The following SHH variants were observed in gnomAD, a reference collection of about 807,000 sequenced individuals.
The protein encoded by SHH is sonic hedgehog signaling molecule.
A neutral mutation model predicts 16.6 loss-of-function variants in SHH; 3 were observed. That is an observed-to-expected ratio of 0.18 (90% CI 0.08 to 0.47). The LOEUF is 0.47. SHH is among the 20% of genes least tolerant of loss of function. The pLI, the probability that SHH is intolerant of heterozygous loss-of-function variation, is 0.98. For missense variants in SHH, 499 were observed against 665.0 expected, an observed-to-expected ratio of 0.75 and a Z score of 2.75; for synonymous variants, 351 against 316.2, an observed-to-expected ratio of 1.11 and a Z score of -1.17.
rs1803398909 is a variant in SHH, at chr7:155,807,536, A to G, written c.301-979T>C. 6.6e-6 allele frequency among the ~76,000 whole-genome samples: 1 copy of G among 152,056 alleles called. No homozygotes were observed. The highest frequency in any genetic ancestry group is 2.4e-5 in the African/African-American group (1 of 41,368). Reference sequence around the variant, plus strand: ...GTTTCCCAGGAAGTTGCCTGGGAGGAGGCAGGAAACACTGACTAGGCAGAT... The same window carrying G: ...GTTTCCCAGGAAGTTGCCTGGGAGGGGGCAGGAAACACTGACTAGGCAGAT... On this transcript the variant is annotated intron_variant, in intron 1 of 2. Transcript: ENST00000297261. This position sits in a 1 kb window ranked among gnomAD's most constrained non-coding sequence, Gnocchi z 7.1.
chr7:155,805,092 C>T (rs1300139750), intron 2 of SHH, among the ~76,000 whole-genome samples: 1 of 151,946 alleles, frequency 6.6e-6, no homozygotes. Flanking sequence ...CGCGGCTCCG[C>T]TCTCCCGGCG....
chr7:155,811,731 C>G (rs1309162610), intron 1 of SHH, 92 bp downstream of exon 1: 4 of 1,301,378 alleles, frequency 3.1e-6, no homozygotes, highest in Admixed American at 1.7e-5. Flanking sequence ...CCTATCTGCC[C>G]GAAGAGCAAA....
Position 155,800,358 on chromosome 7 carries a change from A to G in SHH, c.*2542T>C. On this transcript the variant is annotated 3_prime_UTR_variant, in exon 3 of 3. Coordinates refer to ENST00000297261, the MANE Select transcript of SHH (RefSeq NM_000193.4). ...GGACACTCTGCCACCGGGCCTGTCC[A>G]GGAGGGAGTGCCACCCAGGAGTGAG... 5.0e-6 allele frequency: 2 copies of G among 403,046 alleles called. No individual in the cohort carries two copies. The highest frequency in any genetic ancestry group is 1.9e-5 in the South Asian group (1 of 53,902). 25.0% of individuals were successfully genotyped at this position (403,046 alleles called of 1,614,324 possible).
intron 2 of SHH, among the ~76,000 whole-genome samples, chr7:155,804,774 C>T (rs1207696506): frequency 6.6e-6 from 1 of 151,018 alleles, no homozygotes; most frequent in Admixed American, 6.6e-5. Context: ...TGGGGCGGAG[C>T]GCAGGGGGCC....
chr7:155,811,852 T>C lies in SHH; in HGVS notation c.271A>G (p.Asn91Asp), dbSNP rs750835058. 2.5e-6 allele frequency: 4 copies of C among 1,614,060 alleles called. No individual in the cohort carries two copies. In the Admixed American group the frequency reaches 6.7e-5, roughly 27 times the overall value. ...GTCATCAGCCTGTCCGCTCCGGTGT[T>C]TTCTTCATCCTTAAATATGATGTCG... ...NPDIIFKDEE[N>D]TGADRLMTQR... The change falls in exon 1 of 3, where the codon AAC (asparagine) becomes GAC (aspartate). Residue 91 changes from asparagine (N) to aspartate (D), a missense_variant. Transcript: ENST00000297261.
rs1803239333 is a variant in SHH at position 155,803,113 on chromosome 7, G to A, written c.1176C>T (p.Pro392=). Residue 392 remains proline, a synonymous_variant, in exon 3 of 3, where the codon CCC becomes CCT. Transcript: ENST00000297261. Reference sequence around the variant, plus strand: ...TGTCCCCGCCGCGGTCCGTGCGCGCGGGCGCCAGTGCAGCCAGGAGCGCGT... The same window carrying A: ...TGTCCCCGCCGCGGTCCGTGCGCGCAGGCGCCAGTGCAGCCAGGAGCGCGT... The part of the protein sequence containing the change: ...LAHALLAALA[P]ARTDRGGDSG... 7.4e-7 allele frequency: 1 copy of A among 1,349,162 alleles called. No homozygotes were observed. Among genetic ancestry groups the A allele is most frequent in the South Asian group, 2.1e-5 (1 of 48,238 alleles). 83.6% of individuals were successfully genotyped at this position (1,349,162 alleles called of 1,614,324 possible).
rs1803537269 is a variant in SHH, at chr7:155,812,136, C to G, written c.-14G>C. ...CAGCAGCAGCATCTCGCCCATGGAA[C>G]TGATGACTTCCGAGCTGTCCCCGTG... On this transcript the variant is annotated 5_prime_UTR_variant, in exon 1 of 3. Coordinates refer to ENST00000297261, the MANE Select transcript of SHH (RefSeq NM_000193.4). The G allele has an allele frequency of 6.2e-7, 1 of 1,613,668 alleles. No individual in the cohort carries two copies.
At position 155,802,776 on chromosome 7, in the gene SHH, A is replaced by ATTATTCTTACTC; in HGVS notation, c.*123_*124insGAGTAAGAATAA. The ATTATTCTTACTC allele has an allele frequency of 3.7e-6, 2 of 545,686 alleles. No homozygotes were observed. Among genetic ancestry groups the ATTATTCTTACTC allele is most frequent in the African/African-American group, 4.0e-5 (2 of 50,598 alleles). 33.8% of individuals were successfully genotyped at this position (545,686 alleles called of 1,614,324 possible). A position where few individuals can be genotyped will look rare whatever the true frequency, so the allele number is the denominator to read the frequency against. On this transcript the variant is annotated 3_prime_UTR_variant, in exon 3 of 3. Transcript: ENST00000297261. ...AGTCTACTTTGGACTGTCCTACTTT[A>ATTATTCTTACTC]TTATTCTTATTCTTATTATAACTCA...
chr7:155,803,086 G>A lies in SHH; in HGVS notation c.1203C>T (p.Ser401=). 3 of 1,352,576 alleles carry A rather than the reference G, an allele frequency of 2.2e-6. No homozygotes were observed. Among genetic ancestry groups the A allele is most frequent in the Non-Finnish European group, 1.9e-6 (2 of 1,052,830 alleles). 83.8% of individuals were successfully genotyped at this position (1,352,576 alleles called of 1,614,324 possible). A position where few individuals can be genotyped will look rare whatever the true frequency, so the allele number is the denominator to read the frequency against. Residue 401 remains serine (S), a synonymous_variant, in exon 3 of 3, where the codon AGC becomes AGT. Transcript: ENST00000297261. ...CGCCGCCCCCGCGGTCCCCGCCGCC[G>A]CTGTCCCCGCCGCGGTCCGTGCGCG... The part of the protein sequence containing the change: ...APARTDRGGD[S]GGGDRGGGGG...
In SHH at chr7:155,803,664, G is replaced by C. The variant is rs587778803; in HGVS notation, c.625C>G (p.Gln209Glu). 1 of 1,597,690 alleles carries C rather than the reference G, an allele frequency of 6.3e-7. No homozygotes were observed. Among genetic ancestry groups the C allele is most frequent in the East Asian group, 2.2e-5 (1 of 44,836 alleles). ...FPGSATVHLE[Q>E]GGTKLVKDLS... ...TCCTTCACCAGCTTGGTGCCGCCCTGCTCCAGGTGCACCGTGGCCGAGCCC... is the reference window on the plus strand; with the variant it reads ...TCCTTCACCAGCTTGGTGCCGCCCTCCTCCAGGTGCACCGTGGCCGAGCCC... Residue 209 changes from glutamine (Q) to glutamate (E), a missense_variant, in exon 3 of 3, where the codon CAG (glutamine) becomes GAG (glutamate). This residue lies in a region of SHH where 114 missense variants were observed against 200.4 expected (regional missense o/e 0.57). Coordinates refer to ENST00000297261, the MANE Select transcript of SHH (RefSeq NM_000193.4).
rs767453397 is a variant in SHH at position 155,806,504 on chromosome 7, T to C, written c.354A>G (p.Pro118=). 4 of 1,613,156 alleles carry C rather than the reference T, an allele frequency of 2.5e-6. No homozygotes were observed. In the Admixed American group the frequency reaches 6.7e-5, roughly 27 times the overall value. Residue 118 remains proline (P), a synonymous_variant, in exon 2 of 3, where the codon CCA becomes CCG. Transcript: ENST00000297261. The part of the protein sequence containing the change: ...ALAISVMNQW[P]GVKLRVTEGW... ...CCTCGGTCACCCGCAGTTTCACTCC[T>C]GGCCACTGGTTCATCACCGAGATGG... is the stretch of plus-strand genomic sequence containing the variant.
intron 1 of SHH, chr7:155,806,901 G>T: frequency 2.6e-6 from 1 of 389,768 alleles, no homozygotes; most frequent in Non-Finnish European, 5.0e-6. Context: ...ATCAACTACA[G>T]GACCCTCCAG....
In SHH at chr7:155,809,756, T is replaced by C. The variant is rs1179077642; in HGVS notation, c.300+2067A>G. 6.6e-6 allele frequency among the ~76,000 whole-genome samples: 1 copy of C among 152,052 alleles called. No homozygotes were observed. The highest frequency in any genetic ancestry group is 6.5e-5 in the Admixed American group (1 of 15,272). ...GACAGAAGGTCAGAAGTTCAAATGC[T>C]GCCTGTGCGCGCGGCGGCGAGAGTG... On this transcript the variant is annotated intron_variant, in intron 1 of 2. Coordinates refer to ENST00000297261, the MANE Select transcript of SHH (RefSeq NM_000193.4). This position sits in a 1 kb window ranked among gnomAD's most constrained non-coding sequence, Gnocchi z 6.1.
chr7:155,802,779 A>T lies in SHH; in HGVS notation c.*121T>A. 2 of 584,704 alleles carry T rather than the reference A, an allele frequency of 3.4e-6. No homozygotes were observed. Among genetic ancestry groups the T allele is most frequent in the Non-Finnish European group, 5.2e-6 (2 of 384,184 alleles). 36.2% of individuals were successfully genotyped at this position (584,704 alleles called of 1,614,324 possible). A position where few individuals can be genotyped will look rare whatever the true frequency, so the allele number is the denominator to read the frequency against. ...CTACTTTGGACTGTCCTACTTTATT[A>T]TTCTTATTCTTATTATAACTCAGTC... is the stretch of plus-strand genomic sequence containing the variant. On this transcript the variant is annotated 3_prime_UTR_variant, in exon 3 of 3. Coordinates refer to ENST00000297261, the MANE Select transcript of SHH (RefSeq NM_000193.4).
At chr7:155,804,160 C>T (rs1803285119) in intron 2 of SHH, among the ~76,000 whole-genome samples, 1 of 151,402 alleles carries the variant, frequency 6.6e-6, no homozygotes, top group Non-Finnish European at 1.5e-5. Flanking sequence ...TCCTTCCCTC[C>T]CGCCCCGGCG....
chr7:155,807,009 T>G lies in SHH; in HGVS notation c.301-452A>C. On this transcript the variant is annotated intron_variant, in intron 1 of 2. Transcript: ENST00000297261. The surrounding 1 kb of genome is among the most constrained non-coding windows in gnomAD (Gnocchi z 7.1). ...CTCCACCTGCGCAGCCTCCACCTTCTCCCCGCGTAGAATCCCTCACAGCAG... is the reference window on the plus strand; with the variant it reads ...CTCCACCTGCGCAGCCTCCACCTTCGCCCCGCGTAGAATCCCTCACAGCAG... The G allele has an allele frequency of 7.2e-6, 2 of 276,200 alleles. No homozygotes were observed. Among genetic ancestry groups the G allele is most frequent in the Non-Finnish European group, 1.4e-5 (2 of 140,918 alleles). The allele number at this position is 276,200 out of a possible 1,614,324, so 17.1% of individuals were successfully genotyped here.
At chr7:155,811,759 G>T in intron 1 of SHH, 64 bp downstream of exon 1, 1 of 1,489,674 alleles carries the variant, frequency 6.7e-7, no homozygotes, top group South Asian at 1.1e-5. Context: ...AAGTCTGGAA[G>T]TGTTCGGCTT....
At chr7:155,804,247 C>T (rs550458245) in intron 2 of SHH, among the ~76,000 whole-genome samples, 1 of 151,832 alleles carries the variant, frequency 6.6e-6, no homozygotes, top group South Asian at 2.1e-4. Context: ...CCCGCCTGCC[C>T]GCCTGCCCGC....
intron 1 of SHH, chr7:155,808,956 C>T (rs1043200989): frequency 1.3e-5 from 2 of 152,482 alleles, no homozygotes; most frequent in Non-Finnish European, 2.9e-5. Flanking sequence ...GTCCTTTCCC[C>T]CAAGCTTGGT....
Sources: gnomAD v4.1 joint callset for allele counts (sites outside exome capture counted in the v4.1 genomes callset) on GRCh38, gnomAD v4.1.1 for gene constraint, gnomAD v4.1.1 regional missense constraint, Gnocchi (gnomAD v3.1) non-coding constraint, MANE v1.5 for transcripts, NCBI Gene and HGNC (gene_info 2026-07-23, HGNC 2026-07-21) for gene names.